Variants in FGF14 observed in about 807,000 individuals in gnomAD.
FGF14 encodes the protein fibroblast growth factor homologous factor 4.
Under a neutral mutation model 25.5 loss-of-function variants are expected in FGF14, and 5 were observed. The ratio of observed to expected loss-of-function variants is 0.20; its 90% CI spans 0.10 to 0.41. The LOEUF (loss-of-function observed/expected upper bound fraction) is 0.41. Ranked by LOEUF, FGF14 falls within the 10% of genes least tolerant of loss-of-function variation. FGF14 has a pLI of 1.00. For synonymous variants in FGF14, 138 were observed against 118.3 expected, an observed-to-expected ratio of 1.17 and a Z score of -1.08; for missense variants, 222 against 320.1, an observed-to-expected ratio of 0.69 and a Z score of 2.34.
intron 1 of FGF14, among the ~76,000 whole-genome samples, chr13:102,025,442 T>A (rs1337596751): frequency 6.6e-6 from 1 of 151,996 alleles, no homozygotes; most frequent in Non-Finnish European, 1.5e-5. Context: ...TGGAGACAGA[T>A]CCATCACCCA....
chr13:102,124,973 T>C (rs901073305), intron 1 of FGF14, among the ~76,000 whole-genome samples: 2 of 152,112 alleles, frequency 1.3e-5, no homozygotes, highest in African/African-American at 4.8e-5. Context: ...CCTCAATTTC[T>C]CCAGGTTAAG....
intron 1 of FGF14, among the ~76,000 whole-genome samples, chr13:101,914,206 T>C (rs1190610631): frequency 1.3e-5 from 2 of 151,030 alleles, no homozygotes; most frequent in Non-Finnish European, 3.0e-5. Flanking sequence ...TGAATAATTA[T>C]ATTGTTATAT....
At chr13:101,887,807 A>T (rs1283749123) in intron 1 of FGF14, among the ~76,000 whole-genome samples, 1 of 152,214 alleles carries the variant, frequency 6.6e-6, no homozygotes. Context: ...TGATTTGATC[A>T]TTACACATTG....
rs915843747 is a variant in FGF14 at position 101,720,516 on chromosome 13, T to A, written c.*2315A>T. The A allele has an allele frequency of 6.8e-6, 1 of 146,356 alleles. No homozygotes were observed. Among genetic ancestry groups the A allele is most frequent in the African/African-American group, 2.5e-5 (1 of 39,274 alleles). 9.1% of individuals were successfully genotyped at this position (146,356 alleles called of 1,614,324 possible). A position where few individuals can be genotyped will look rare whatever the true frequency, so the allele number is the denominator to read the frequency against. On this transcript the variant is annotated 3_prime_UTR_variant, in exon 5 of 5. Transcript: ENST00000376143. ...GGGCTAATTATCAGTAACAAATAGA[T>A]GGGGGTGTTTGCTCTGTGTGTGTGT... is the stretch of plus-strand genomic sequence containing the variant.
intron 3 of FGF14, among the ~76,000 whole-genome samples, chr13:101,833,127 G>T (rs935301965): frequency 6.6e-6 from 1 of 151,970 alleles, no homozygotes; most frequent in African/African-American, 2.4e-5. Context: ...AGGCCAGGGT[G>T]GGTAGGAGGT....
At chr13:102,263,498 T>G (rs2052825423) in intron 1 of FGF14, among the ~76,000 whole-genome samples, 2 of 152,152 alleles carry the variant, frequency 1.3e-5, no homozygotes, top group South Asian at 4.1e-4. Context: ...TGTATGAAGA[T>G]TAGAGAGAGA....
At chr13:102,394,675 GC>G (rs1036670241) in intron 1 of FGF14, 8 of 152,406 alleles carry the variant, frequency 5.2e-5, no homozygotes, top group African/African-American at 1.9e-4. Flanking sequence ...CGCGGTGATG[GC>G]CGGTCCCCGT....
intron 1 of FGF14, among the ~76,000 whole-genome samples, chr13:102,263,839 A>G (rs1241354511): frequency 6.6e-6 from 1 of 152,158 alleles, no homozygotes; most frequent in Non-Finnish European, 1.5e-5. Context: ...TGTTTAACGT[A>G]TTTGAAAGGC....
chr13:101,842,106 G>A (rs1189009611), intron 3 of FGF14, among the ~76,000 whole-genome samples: 1 of 151,942 alleles, frequency 6.6e-6, no homozygotes, highest in Admixed American at 6.6e-5. Flanking sequence ...TAGGCTTATA[G>A]CTAATCTTTG....
At chr13:102,296,596 G>A in intron 1 of FGF14, among the ~76,000 whole-genome samples, 1 of 152,116 alleles carries the variant, frequency 6.6e-6, no homozygotes, top group East Asian at 1.9e-4. Context: ...ACCAAAGAAT[G>A]GCATATTTAG....
intron 1 of FGF14, among the ~76,000 whole-genome samples, chr13:102,273,944 CAAA>C (rs10627893): frequency 3.3e-5 from 4 of 121,442 alleles, no homozygotes; most frequent in Non-Finnish European, 5.2e-5. Flanking sequence ...GACCCTGTCT[CAAA>C]AAAAAAAAAA....
chr13:102,075,169 A>T (rs2043307898), intron 1 of FGF14, among the ~76,000 whole-genome samples: 1 of 152,032 alleles, frequency 6.6e-6, no homozygotes, highest in Non-Finnish European at 1.5e-5. Flanking sequence ...CTTAAACATT[A>T]AAAACTCTGA....
intron 1 of FGF14, among the ~76,000 whole-genome samples, chr13:102,256,908 A>C (rs1458240654): frequency 6.6e-6 from 1 of 152,216 alleles, no homozygotes; most frequent in Non-Finnish European, 1.5e-5. Context: ...ATGAATTGAA[A>C]ATATGTTGAA....
intron 1 of FGF14, among the ~76,000 whole-genome samples, chr13:102,281,117 A>C (rs1252141010): frequency 2.0e-5 from 3 of 152,224 alleles, no homozygotes; most frequent in Non-Finnish European, 4.4e-5. Context: ...TCACAAGGCC[A>C]AACATAAAAT....
intron 1 of FGF14, among the ~76,000 whole-genome samples, chr13:102,251,658 T>C (rs958054504): frequency 1.3e-5 from 2 of 152,166 alleles, no homozygotes; most frequent in South Asian, 4.1e-4. Flanking sequence ...AGCTATGCTC[T>C]GCACAATCAG....
At position 102,172,065 on chromosome 13, in the gene FGF14, C is replaced by A. The variant is rs765931279; in HGVS notation, c.208+229406G>T. Among the ~76,000 whole-genome samples the A allele has an allele frequency of 2.6e-5, 4 of 151,760 alleles. No homozygotes were observed. The East Asian group carries it at 7.8e-4, about 29-fold the overall frequency. On this transcript the variant is annotated intron_variant, in intron 1 of 4. Transcript: ENST00000376131. ...GGCTGGTCTTGAACTCCTGAGCTCACGTGATCCTCCTCCCTCGACCTCCCA... is the reference window on the plus strand; with the variant it reads ...GGCTGGTCTTGAACTCCTGAGCTCAAGTGATCCTCCTCCCTCGACCTCCCA...
chr13:102,128,076 C>T (rs528690241), intron 1 of FGF14, among the ~76,000 whole-genome samples: 19 of 152,272 alleles, frequency 1.2e-4, no homozygotes, highest in Middle Eastern at 3.4e-3. Context: ...TGTCATAATG[C>T]GGTCTTCACT....
chr13:101,937,593 T>C (rs2035188064), intron 1 of FGF14, among the ~76,000 whole-genome samples: 1 of 151,958 alleles, frequency 6.6e-6, no homozygotes, highest in Non-Finnish European at 1.5e-5. Context: ...CTGTTTTTTG[T>C]TTGTTTGTTT....
chr13:101,934,727 C>T (rs1202882895), intron 1 of FGF14, among the ~76,000 whole-genome samples: 2 of 151,942 alleles, frequency 1.3e-5, no homozygotes, highest in African/African-American at 2.4e-5. Context: ...AGTCCAAATG[C>T]CCCTCACTCT....
Sources: allele counts gnomAD v4.1 joint callset (sites outside exome capture counted in the v4.1 genomes callset), GRCh38; gene constraint gnomAD v4.1.1; transcripts MANE v1.5; gene names NCBI Gene and HGNC (gene_info 2026-07-23, HGNC 2026-07-21).